MACF1: variants seen among roughly 807,000 people sequenced by gnomAD.
MACF1 encodes the protein microtubule actin crosslinking factor 1, also known as microtubule-actin cross-linking factor 1.
A neutral mutation model predicts 854.8 loss-of-function variants in MACF1; 193 were observed. The observed-to-expected ratio is 0.23, with a 90% confidence interval of 0.20 to 0.25. The LOEUF is 0.25. Among genes scored for constraint, MACF1 ranks in the 10% least tolerant of loss-of-function variants. The pLI is 1.00. For synonymous variants in MACF1, 3,185 were observed against 3,226.7 expected (o/e 0.99, Z 0.44); for missense variants, 7,722 against 8,929.1 (o/e 0.86, Z 5.45).
chr1:39,443,159 T>C (rs1449682441), intron 78 of MACF1, among the ~76,000 whole-genome samples: 1 of 152,204 alleles, frequency 6.6e-6, no homozygotes, highest in African/African-American at 2.4e-5. Flanking sequence ...CAGATTCCCT[T>C]TTTTTCTTGG....
In MACF1 at chr1:39,409,354, G is replaced by A. The variant is rs1282904391; in HGVS notation, c.15817-13020G>A. The A allele has an allele frequency of 6.5e-6, 1 of 153,132 alleles. No individual in the cohort carries two copies. Among genetic ancestry groups the A allele is most frequent in the Non-Finnish European group, 1.5e-5 (1 of 68,562 alleles). The allele number at this position is 153,132 out of a possible 1,614,324, so 9.5% of individuals were successfully genotyped here. A position where few individuals can be genotyped will look rare whatever the true frequency, so the allele number is the denominator to read the frequency against. ...CACAGCACTCGGGACTCAGCTGCCG[G>A]AGGGACAAACTAACTTCCTGAGCGC... On this transcript the variant is annotated intron_variant, in intron 58 of 100. Transcript: ENST00000564288. The surrounding 1 kb of genome is among the most constrained non-coding windows in gnomAD (Gnocchi z 4.2).
At chr1:39,457,977 G>A (rs1038222839) in intron 89 of MACF1, 2 of 160,256 alleles carry the variant, frequency 1.2e-5, no homozygotes, top group Non-Finnish European at 2.7e-5. Context: ...AGGCAAAGGG[G>A]AGCCAGCGTG....
At chr1:39,397,853 G>C (rs1226219754) in intron 58 of MACF1, among the ~76,000 whole-genome samples, 1 of 152,076 alleles carries the variant, frequency 6.6e-6, no homozygotes, top group East Asian at 1.9e-4. Context: ...TATAGTAAGG[G>C]AAACAGATAC....
chr1:39,408,794 G>A (rs1365516668), intron 58 of MACF1, among the ~76,000 whole-genome samples: 1 of 152,080 alleles, frequency 6.6e-6, no homozygotes, highest in Non-Finnish European at 1.5e-5. Context: ...CGCGGTGGGC[G>A]TGGGCTGCGG....
At chr1:39,244,760 G>T (rs949669087) in intron 2 of MACF1, among the ~76,000 whole-genome samples, 9 of 151,970 alleles carry the variant, frequency 5.9e-5, no homozygotes, top group Non-Finnish European at 1.3e-4. Context: ...TGTATTTTTA[G>T]TAGATAAAAG....
chr1:39,108,633 TAGTC>T (rs916467391), intron 2 of MACF1, among the ~76,000 whole-genome samples: 29 of 147,082 alleles, frequency 2.0e-4, no homozygotes, highest in African/African-American at 7.3e-4. Context: ...TAAGAAGGAA[TAGTC>T]AGGGAGGTAG....
intron 23 of MACF1, among the ~76,000 whole-genome samples, chr1:39,308,222 A>G (rs1004148105): frequency 1.3e-5 from 2 of 151,720 alleles, no homozygotes; most frequent in Non-Finnish European, 2.9e-5. Context: ...TAATTATTTC[A>G]TTCTCCTTGT....
At chr1:39,435,854 C>G (rs1171051344) in intron 70 of MACF1, 93 bp downstream of exon 70, 2 of 1,116,034 alleles carry the variant, frequency 1.8e-6, no homozygotes, top group African/African-American at 1.6e-5. Context: ...TCAGGAATGT[C>G]CAGAGCAGCA....
rs556620932 is a variant in MACF1 at position 39,385,990 on chromosome 1, G to A, written c.14344+61G>A. The A allele has an allele frequency of 2.0e-5, 30 of 1,513,324 alleles. No individual in the cohort carries two copies. In the East Asian group the frequency reaches 6.6e-4, roughly 33 times the overall value. The allele number at this position is 1,513,324 out of a possible 1,614,324, so 93.7% of individuals were successfully genotyped here. A position where few individuals can be genotyped will look rare whatever the true frequency, so the allele number is the denominator to read the frequency against. On this transcript the variant is annotated intron_variant, in intron 57 of 100. Coordinates refer to ENST00000564288, the MANE Select transcript of MACF1 (RefSeq NM_001394062.1). ...TAGAGGCAAGCAGAAAGAAGGAATG[G>A]GTTAGGAGTAGTCCCAAGATTCTAG... is the stretch of plus-strand genomic sequence containing the variant.
chr1:39,285,588 T>C lies in MACF1; in HGVS notation c.1354-16T>C. Reference sequence around the variant, plus strand: ...AATGGAAGTTTTCCCACTGTTATTCTCTCTTCCTGTCTCAGGATGCTGCTC... The same window carrying C: ...AATGGAAGTTTTCCCACTGTTATTCCCTCTTCCTGTCTCAGGATGCTGCTC... On this transcript the variant is annotated splice_polypyrimidine_tract_variant and intron_variant, in intron 13 of 100. Transcript: ENST00000564288. 2 of 1,611,318 alleles carry C rather than the reference T, an allele frequency of 1.2e-6. No individual in the cohort carries two copies. Among genetic ancestry groups the C allele is most frequent in the Non-Finnish European group, 1.7e-6 (2 of 1,177,838 alleles).
chr1:39,403,062 G>GT (rs1023634521), intron 58 of MACF1, among the ~76,000 whole-genome samples: 88 of 139,942 alleles, frequency 6.3e-4, no homozygotes, highest in East Asian at 1.6e-3. Flanking sequence ...GTTTGGTTTG[G>GT]TTTTTTTTTT....
chr1:39,389,877 C>T (rs1641964050), intron 58 of MACF1, among the ~76,000 whole-genome samples: 1 of 152,188 alleles, frequency 6.6e-6, no homozygotes, highest in Non-Finnish European at 1.5e-5. Flanking sequence ...ACATCCCAGA[C>T]TCCTCAAGAG....
At chr1:39,408,905 T>C (rs994284767) in intron 58 of MACF1, among the ~76,000 whole-genome samples, 4 of 151,782 alleles carry the variant, frequency 2.6e-5, no homozygotes, top group African/African-American at 9.7e-5. Flanking sequence ...CCCTCCACTC[T>C]CGGAGTCGCT....
Position 39,357,470 on chromosome 1 carries a change from A to G in MACF1, c.11520A>G (p.Thr3840=), listed in dbSNP as rs1647694593. 6.2e-7 allele frequency: 1 copy of G among 1,614,144 alleles called. No homozygotes were observed. Among genetic ancestry groups the G allele is most frequent in the Non-Finnish European group, 8.5e-7 (1 of 1,180,028 alleles). The part of the protein sequence containing the change: ...AFLDQHGHNL[T]PEEQQMLQQK... ...TGGATCAGCATGGCCACAATCTCACACCTGAGGAGCAACAGATGCTGCAAC... is the reference window on the plus strand; with the variant it reads ...TGGATCAGCATGGCCACAATCTCACGCCTGAGGAGCAACAGATGCTGCAAC... Residue 3840 remains threonine (T), a synonymous_variant, in exon 45 of 101, where the codon ACA becomes ACG. Transcript: ENST00000564288.
intron 56 of MACF1, among the ~76,000 whole-genome samples, 190 bp downstream of exon 56, chr1:39,382,342 T>C (rs78904649): frequency 0.02 from 3,043 of 152,202 alleles, 110 homozygotes; most frequent in African/African-American, 0.07. Context: ...TCTATTATTA[T>C]TATTAATAGA....
chr1:39,284,008 C>G (rs867197583), intron 9 of MACF1, 58 bp from the exon 10 acceptor site: 2 of 1,594,176 alleles, frequency 1.3e-6, no homozygotes, highest in Admixed American at 1.8e-5. Flanking sequence ...GCTACTTTCT[C>G]TTGTGCTTGT....
intron 28 of MACF1, 24 bp from the exon 29 acceptor site, chr1:39,317,190 G>C: frequency 6.2e-7 from 1 of 1,609,556 alleles, no homozygotes; most frequent in Non-Finnish European, 8.5e-7. Context: ...TATACAACCT[G>C]TTTCTGTACT....
intron 67 of MACF1, 56 bp from the exon 68 acceptor site, chr1:39,432,992 T>C: frequency 6.3e-6 from 7 of 1,115,120 alleles, no homozygotes; most frequent in Non-Finnish European, 9.2e-6. Context: ...TCTTAACCTT[T>C]AGTAATAACA....
chr1:39,480,056 A>C, intron 98 of MACF1, 47 bp downstream of exon 98: 1 of 1,199,162 alleles, frequency 8.3e-7, no homozygotes, highest in Non-Finnish European at 1.2e-6. Context: ...TCCCACCCTC[A>C]CAGATGTTCA....
Sources: allele counts gnomAD v4.1 joint callset (sites outside exome capture counted in the v4.1 genomes callset), GRCh38; gene constraint gnomAD v4.1.1; non-coding constraint Gnocchi (gnomAD v3.1); transcripts MANE v1.5; gene names NCBI Gene and HGNC (gene_info 2026-07-23, HGNC 2026-07-21).